The following UBE2R2 variants were observed in gnomAD, a reference collection of about 807,000 sequenced individuals.
UBE2R2 encodes the protein ubiquitin-conjugating enzyme E2 R2.
A neutral mutation model predicts 27.8 loss-of-function variants in UBE2R2; 1 was observed. That is an observed-to-expected ratio of 0.04 (90% confidence interval 0.01 to 0.17). The LOEUF (loss-of-function observed/expected upper bound fraction) is 0.17, where lower values mean the gene tolerates loss of function less well. UBE2R2 is among the 10% of genes least tolerant of loss of function. The probability of loss-of-function intolerance (pLI) is 1.00; values close to 1 mark genes in which losing one functional copy is unlikely to be tolerated. For missense variants in UBE2R2, 100 were observed against 291.0 expected, an observed-to-expected ratio of 0.34 and a Z score of 4.78; for synonymous variants, 106 against 113.3, an observed-to-expected ratio of 0.94 and a Z score of 0.41.
intron 3 of UBE2R2, among the ~76,000 whole-genome samples, chr9:33,909,029 T>TAAATAAATAAATAC (rs1822426970): frequency 9.5e-6 from 1 of 104,944 alleles, no homozygotes; most frequent in Admixed American, 8.8e-5. Flanking sequence ...TAAATAAATA[T>TAAATAAATAAATAC]TAAAATTCAC....
At chr9:33,844,887 C>G (rs1279964868) in intron 1 of UBE2R2, among the ~76,000 whole-genome samples, 4 of 151,766 alleles carry the variant, frequency 2.6e-5, no homozygotes, top group African/African-American at 4.8e-5. Context: ...TTGCCTCACC[C>G]TCCGGAGTAG....
intron 1 of UBE2R2, among the ~76,000 whole-genome samples, chr9:33,866,594 T>C (rs1821369855): frequency 6.6e-6 from 1 of 152,182 alleles, no homozygotes; most frequent in Non-Finnish European, 1.5e-5. Context: ...GTGTCATAAA[T>C]ATAGCAGTTG....
intron 2 of UBE2R2, among the ~76,000 whole-genome samples, chr9:33,890,573 A>G (rs1366710243): frequency 6.6e-6 from 1 of 151,594 alleles, no homozygotes; most frequent in Non-Finnish European, 1.5e-5. Context: ...GCACTTTGGG[A>G]GGCCAAGGCA....
At chr9:33,896,529 G>A (rs1187532615) in intron 2 of UBE2R2, among the ~76,000 whole-genome samples, 1 of 151,466 alleles carries the variant, frequency 6.6e-6, no homozygotes, top group Non-Finnish European at 1.5e-5. Context: ...TGCAACCTCC[G>A]CCTCCTGGGT....
chr9:33,840,412 A>G (rs542894655), intron 1 of UBE2R2, among the ~76,000 whole-genome samples: 99 of 152,168 alleles, frequency 6.5e-4, no homozygotes, highest in Non-Finnish European at 1.2e-3. Context: ...TTATGCCTCT[A>G]TCCCTTTTTT....
intron 1 of UBE2R2, among the ~76,000 whole-genome samples, chr9:33,826,203 G>A (rs1253206438): frequency 6.6e-6 from 1 of 151,476 alleles, no homozygotes; most frequent in African/African-American, 2.4e-5. Flanking sequence ...CTCTTTGATT[G>A]TGTTAATATC....
intron 1 of UBE2R2, among the ~76,000 whole-genome samples, chr9:33,865,240 T>C (rs7872139): frequency 0.61 from 92,531 of 151,782 alleles, 28,304 homozygotes; most frequent in East Asian, 0.77. Context: ...CTTGCTCTGT[T>C]GCCCAGGCTG....
intron 2 of UBE2R2, among the ~76,000 whole-genome samples, chr9:33,892,191 TG>T (rs765157291): frequency 2.6e-5 from 4 of 152,186 alleles, no homozygotes; most frequent in Non-Finnish European, 5.9e-5. Context: ...CTTTCTGTTT[TG>T]CACTGTGTTT....
chr9:33,829,978 G>A (rs1384724517), intron 1 of UBE2R2, among the ~76,000 whole-genome samples: 1 of 151,594 alleles, frequency 6.6e-6, no homozygotes, highest in Admixed American at 6.6e-5. Context: ...TGTACTTTTA[G>A]TAGAGACAGG....
chr9:33,824,363 G>A (rs1227292960), intron 1 of UBE2R2, among the ~76,000 whole-genome samples: 1 of 151,938 alleles, frequency 6.6e-6, no homozygotes, highest in Non-Finnish European at 1.5e-5. Context: ...TGGGCCGGGC[G>A]CGGTAGCTCA....
chr9:33,885,606 G>A (rs565297600), intron 1 of UBE2R2, among the ~76,000 whole-genome samples: 10 of 152,148 alleles, frequency 6.6e-5, no homozygotes, highest in African/African-American at 2.2e-4. Flanking sequence ...CAGCTTCCTT[G>A]GTTTTTACTT....
chr9:33,834,204 C>T (rs10971725), intron 1 of UBE2R2, among the ~76,000 whole-genome samples: 362 of 122,656 alleles, frequency 3.0e-3, no homozygotes, highest in Non-Finnish European at 3.1e-3. Flanking sequence ...TTTTTTTTTT[C>T]TTTTTTTTTT....
At chr9:33,848,067 TTTAAG>T in intron 1 of UBE2R2, among the ~76,000 whole-genome samples, 1 of 152,098 alleles carries the variant, frequency 6.6e-6, no homozygotes, top group Non-Finnish European at 1.5e-5. Flanking sequence ...TTGACCTGAA[TTTAAG>T]TTAACTAATT....
intron 1 of UBE2R2, among the ~76,000 whole-genome samples, chr9:33,873,557 A>G (rs1376534116): frequency 1.3e-5 from 2 of 152,226 alleles, no homozygotes; most frequent in African/African-American, 2.4e-5. Context: ...CCCTAAGGCT[A>G]TCAAACTTCT....
chr9:33,815,668 CAGG>C (rs1443542457), upstream of UBE2R2, among the ~76,000 whole-genome samples: 1 of 152,158 alleles, frequency 6.6e-6, no homozygotes, highest in Non-Finnish European at 1.5e-5. Flanking sequence ...GGCTTAAGCC[CAGG>C]AGGTTACTGC....
intron 1 of UBE2R2, among the ~76,000 whole-genome samples, chr9:33,857,827 A>G (rs1183072193): frequency 2.0e-5 from 3 of 152,308 alleles, no homozygotes; most frequent in East Asian, 1.9e-4. Flanking sequence ...TGTTTTGCCT[A>G]TAGTTCTTTG....
rs1822504134 is a variant in UBE2R2 at position 33,912,028 on chromosome 9, G to A, written c.427G>A (p.Asp143Asn). 1.2e-6 allele frequency: 2 copies of A among 1,613,428 alleles called. No homozygotes were observed. The highest frequency in any genetic ancestry group is 2.2e-5 in the East Asian group (1 of 44,840). The change falls in exon 4 of 5, where the codon GAT (aspartate) becomes AAT (asparagine). Residue 143 changes from aspartate to asparagine, a missense_variant. By Grantham distance (23) the Asp-to-Asn change is conservative. Transcript: ENST00000263228. ...CAACACCTTCTCCCCAGCCAATGTC[G>A]ATGCTTCAGTTATGTTCAGGAAATG... is the stretch of plus-strand genomic sequence containing the variant. ...EPNTFSPANV[D>N]ASVMFRKWRD... is the part of the protein sequence containing the mutation.
chr9:33,852,820 C>T (rs1248266007), intron 1 of UBE2R2, among the ~76,000 whole-genome samples: 1 of 152,076 alleles, frequency 6.6e-6, no homozygotes, highest in Non-Finnish European at 1.5e-5. Context: ...CCAGTCTGGC[C>T]AATATGGTGT....
At chr9:33,911,742 G>C (rs1749977097) in intron 3 of UBE2R2, among the ~76,000 whole-genome samples, 1 of 151,916 alleles carries the variant, frequency 6.6e-6, no homozygotes, top group Non-Finnish European at 1.5e-5. Flanking sequence ...TTGTTTCTTA[G>C]TGCTGAAAAA....
Sources: allele counts gnomAD v4.1 joint callset (sites outside exome capture counted in the v4.1 genomes callset), GRCh38; gene constraint gnomAD v4.1.1; transcripts MANE v1.5; gene names NCBI Gene and HGNC (gene_info 2026-07-23, HGNC 2026-07-21).